Variants in CACNA1E observed in about 807,000 individuals in gnomAD.
The protein encoded by CACNA1E is calcium voltage-gated channel subunit alpha1 E, also known as voltage-dependent R-type calcium channel subunit alpha-1E.
Under a neutral mutation model 259.2 loss-of-function variants are expected in CACNA1E, and 40 were observed. That is an observed-to-expected ratio of 0.15 (90% confidence interval 0.12 to 0.20). The LOEUF (loss-of-function observed/expected upper bound fraction) is 0.20, where lower values mean the gene tolerates loss of function less well. Ranked by LOEUF, CACNA1E falls within the 10% of genes least tolerant of loss-of-function variation. CACNA1E has a pLI of 1.00. For missense variants in CACNA1E, 1,874 were observed against 3,040.1 expected (o/e 0.62, Z 9.02); for synonymous variants, 1,104 against 1,138.5 (o/e 0.97, Z 0.61).
chr1:181,714,125 C>T (rs866335392), intron 8 of CACNA1E, among the ~76,000 whole-genome samples: 7 of 152,172 alleles, frequency 4.6e-5, no homozygotes, highest in Non-Finnish European at 8.8e-5. Flanking sequence ...ACTGCCCCCA[C>T]TTTAGATGGC....
At chr1:181,423,312 C>T (rs1035851775) in intron 2 of CACNA1E, among the ~76,000 whole-genome samples, 3 of 152,228 alleles carry the variant, frequency 2.0e-5, no homozygotes, top group Admixed American at 1.3e-4. Flanking sequence ...ACAAGGTCAA[C>T]AGTCAGTGCA....
chr1:181,461,359 G>A, intron 2 of CACNA1E, among the ~76,000 whole-genome samples: 1 of 151,666 alleles, frequency 6.6e-6, no homozygotes. Flanking sequence ...GGCTAACACG[G>A]TGAAACCCCC....
intron 7 of CACNA1E, among the ~76,000 whole-genome samples, chr1:181,667,602 C>T (rs1648361011): frequency 6.6e-6 from 1 of 151,922 alleles, no homozygotes; most frequent in Non-Finnish European, 1.5e-5. Context: ...TAAGGTTATC[C>T]ATGGAGGGGA....
intron 3 of CACNA1E, among the ~76,000 whole-genome samples, chr1:181,553,094 A>G (rs1004693734): frequency 2.0e-5 from 3 of 151,840 alleles, no homozygotes; most frequent in Non-Finnish European, 4.4e-5. Flanking sequence ...TTTGGGCAGT[A>G]TGGCCATTTT....
Position 181,739,173 on chromosome 1 carries a change from G to A in CACNA1E, c.3639G>A (p.Gln1213=). ...IKMIDQGLIL[Q]DGSYFRDLWN... is the part of the protein sequence containing the mutation. Reference sequence around the variant, plus strand: ...TGATAGACCAAGGCTTGATCCTGCAGGATGGGTCCTACTTCCGAGACTTGT... The same window carrying A: ...TGATAGACCAAGGCTTGATCCTGCAAGATGGGTCCTACTTCCGAGACTTGT... The change falls in exon 25 of 48, where the codon CAG becomes CAA. Residue 1213 remains glutamine (Q), a synonymous_variant. Coordinates refer to ENST00000367573, the MANE Select transcript of CACNA1E (RefSeq NM_001205293.3). The A allele has an allele frequency of 6.2e-7, 1 of 1,613,330 alleles. No homozygotes were observed. Among genetic ancestry groups the A allele is most frequent in the Non-Finnish European group, 8.5e-7 (1 of 1,179,264 alleles).
At chr1:181,496,995 A>G (rs2102541897) in intron 1 of CACNA1E, among the ~76,000 whole-genome samples, 1 of 152,194 alleles carries the variant, frequency 6.6e-6, no homozygotes, top group Admixed American at 6.5e-5. Context: ...TAACATGAGG[A>G]GGGAGCAGGT....
At chr1:181,560,788 G>A (rs1649245463) in intron 3 of CACNA1E, among the ~76,000 whole-genome samples, 1 of 152,232 alleles carries the variant, frequency 6.6e-6, no homozygotes, top group African/African-American at 2.4e-5. Context: ...GTACACCCAT[G>A]TTCACAGCAG....
At chr1:181,742,403 G>A (rs755294236) in intron 25 of CACNA1E, among the ~76,000 whole-genome samples, 7 of 152,120 alleles carry the variant, frequency 4.6e-5, no homozygotes, top group South Asian at 2.1e-4. Flanking sequence ...TACAACTTTC[G>A]TTATCATATC....
chr1:181,767,660 T>C (rs1170171181), intron 35 of CACNA1E, among the ~76,000 whole-genome samples: 1 of 152,016 alleles, frequency 6.6e-6, no homozygotes, highest in East Asian at 1.9e-4. Flanking sequence ...ATTCTTTAAC[T>C]CTATTACTGG....
intron 6 of CACNA1E, among the ~76,000 whole-genome samples, chr1:181,587,604 C>T (rs2103008482): frequency 6.6e-6 from 1 of 152,280 alleles, no homozygotes; most frequent in Admixed American, 6.5e-5. Flanking sequence ...ACTCTTAGGG[C>T]CGGGCGCGGT....
At chr1:181,528,156 C>A (rs1667505379) in intron 3 of CACNA1E, among the ~76,000 whole-genome samples, 1 of 146,504 alleles carries the variant, frequency 6.8e-6, no homozygotes. Context: ...GTGGGGGGGG[C>A]AGTAATTGAA....
chr1:181,389,730 C>CA (rs1656120556), intron 1 of CACNA1E, among the ~76,000 whole-genome samples: 1 of 152,204 alleles, frequency 6.6e-6, no homozygotes. Context: ...TTCCATCAGC[C>CA]ATGTCTGGCA....
chr1:181,456,012 A>T (rs1452639074), intron 2 of CACNA1E, among the ~76,000 whole-genome samples: 1 of 152,146 alleles, frequency 6.6e-6, no homozygotes, highest in Non-Finnish European at 1.5e-5. Context: ...ATGGGAAGAG[A>T]GCCTGTTTGG....
Position 181,790,576 on chromosome 1 carries a change from G to A in CACNA1E, c.5898+20G>A, listed in dbSNP as rs1558396270. 7.1e-7 allele frequency: 1 copy of A among 1,404,274 alleles called. No individual in the cohort carries two copies. The highest frequency in any genetic ancestry group is 1.0e-6 in the Non-Finnish European group (1 of 986,978). The allele number at this position is 1,404,274 out of a possible 1,614,324, so 87.0% of individuals were successfully genotyped here. On this transcript the variant is annotated intron_variant, in intron 44 of 47. Transcript: ENST00000367573. ...TCTCTGGTGAATGCATGAGTTATAT[G>A]ACCTCAAAACTACTTCCTTGGTTTC...
intron 1 of CACNA1E, among the ~76,000 whole-genome samples, chr1:181,397,191 T>C (rs1296032431): frequency 6.6e-6 from 1 of 152,188 alleles, no homozygotes; most frequent in Non-Finnish European, 1.5e-5. Flanking sequence ...AGAGCATCAG[T>C]CCTCACTGAT....
In CACNA1E at chr1:181,483,772, G is replaced by T. The variant is rs751662861; in HGVS notation, c.28G>T (p.Ala10Ser). 1.2e-5 allele frequency: 20 copies of T among 1,609,462 alleles called. No homozygotes were observed. In the African/African-American group the frequency reaches 1.9e-4, roughly 15 times the overall value. ...GGCTCGCTTCGGGGAGGCGGTGGTC[G>T]CCAGGCCAGGGTCCGGCGATGGAGA... MARFGEAVVARPGSGDGDSD... is the reference protein window; with the variant it reads MARFGEAVVSRPGSGDGDSD... Residue 10 changes from alanine (A) to serine (S), a missense_variant, in exon 1 of 48, where the codon GCC (alanine) becomes TCC (serine). Around this residue, in one of 14 missense-constraint regions of CACNA1E, gnomAD observed 110 missense variants for 122.8 expected, o/e 0.90. Transcript: ENST00000367573.
rs182162886 is a variant in CACNA1E at position 181,688,766 on chromosome 1, A to C, written c.1056-22188A>C. ...CCAGAATTTATCCTGTTTAACTGCA[A>C]TTTTTACCATTTGGCTAACATCTCT... On this transcript the variant is annotated intron_variant, in intron 7 of 47. Coordinates refer to ENST00000367573, the MANE Select transcript of CACNA1E (RefSeq NM_001205293.3). 3.5e-3 allele frequency among the ~76,000 whole-genome samples: 531 copies of C among 152,192 alleles called. 8 individuals are homozygous for C. Among genetic ancestry groups the C allele is most frequent in the African/African-American group, 0.012 (509 of 41,556 alleles).
chr1:181,538,688 A>T (rs1435029628), intron 3 of CACNA1E, among the ~76,000 whole-genome samples: 7 of 152,270 alleles, frequency 4.6e-5, no homozygotes, highest in African/African-American at 1.4e-4. Context: ...CAGAGAGGTG[A>T]TATTTATTTA....
chr1:181,711,086 G>A lies in CACNA1E; in HGVS notation c.1171+17G>A. The A allele has an allele frequency of 1.3e-6, 2 of 1,560,522 alleles. No individual in the cohort carries two copies. The highest frequency in any genetic ancestry group is 1.7e-5 in the Admixed American group (1 of 59,978). The stretch of plus-strand genomic sequence containing the variant: ...ACAAAGCAGGTAGGCCTGGGGGGCT[G>A]CAGGAGGCTGGTGAGTGGGCTGCAG... On this transcript the variant is annotated intron_variant, in intron 8 of 47. Coordinates refer to ENST00000367573, the MANE Select transcript of CACNA1E (RefSeq NM_001205293.3).
Sources: gnomAD v4.1 joint callset for allele counts (sites outside exome capture counted in the v4.1 genomes callset) on GRCh38, gnomAD v4.1.1 for gene constraint, gnomAD v4.1.1 regional missense constraint, MANE v1.5 for transcripts, NCBI Gene and HGNC (gene_info 2026-07-23, HGNC 2026-07-21) for gene names.